Variants in GDPD4 observed in about 807,000 individuals in gnomAD.
GDPD4 encodes glycerophosphodiester phosphodiesterase domain containing 4, also known as glycerophosphodiester phosphodiesterase 6.
A neutral mutation model predicts 67.8 loss-of-function variants in GDPD4; 60 were observed. The ratio of observed to expected loss-of-function variants is 0.88; its 90% confidence interval spans 0.72 to 1.10. The LOEUF (loss-of-function observed/expected upper bound fraction) is 1.10, where lower values mean the gene tolerates loss of function less well. GDPD4 is among the 50% of genes least tolerant of loss of function. The probability of loss-of-function intolerance (pLI) is 0.00; values close to 1 mark genes in which losing one functional copy is unlikely to be tolerated. For synonymous variants in GDPD4, 212 were observed against 210.9 expected (o/e 1.00, Z -0.04); for missense variants, 623 against 613.9 (o/e 1.01, Z -0.16).
intron 1 of GDPD4, among the ~76,000 whole-genome samples, chr11:77,295,093 T>C (rs1293951164): frequency 6.6e-6 from 1 of 150,630 alleles, no homozygotes; most frequent in African/African-American, 2.4e-5. Flanking sequence ...GCCTCTTGAG[T>C]AGCGGGGACT....
intron 10 of GDPD4, among the ~76,000 whole-genome samples, chr11:77,265,819 C>A (rs577508412): frequency 6.6e-6 from 1 of 152,262 alleles, no homozygotes; most frequent in South Asian, 2.1e-4. Flanking sequence ...GGAGCCACTT[C>A]TCTGCCTCCT....
chr11:77,254,921 T>G (rs1240296971), intron 11 of GDPD4, among the ~76,000 whole-genome samples: 1 of 152,188 alleles, frequency 6.6e-6, no homozygotes, highest in African/African-American at 2.4e-5. Flanking sequence ...TTCTTCACTA[T>G]GGAAAAAACT....
chr11:77,288,243 G>A (rs933977386), intron 1 of GDPD4, among the ~76,000 whole-genome samples: 8 of 152,158 alleles, frequency 5.3e-5, no homozygotes, highest in East Asian at 3.9e-4. Context: ...TACTGCCATC[G>A]CTGATACCAC....
intron 16 of GDPD4, among the ~76,000 whole-genome samples, chr11:77,219,863 G>T (rs986326859): frequency 6.6e-6 from 1 of 152,124 alleles, no homozygotes; most frequent in Non-Finnish European, 1.5e-5. Context: ...GCAATGCCTT[G>T]TAAGTTGGAT....
At chr11:77,294,960 C>CTTTTTTTTTTTTTTTTTTTTTTTT (rs144796072) in intron 1 of GDPD4, among the ~76,000 whole-genome samples, 1 of 66,384 alleles carries the variant, frequency 1.5e-5, no homozygotes, top group African/African-American at 6.0e-5. Flanking sequence ...TACAACTTTG[C>CTTTTTTTTTTTTTTTTTTTTTTTT]TTTTTTTTTT....
At chr11:77,286,093 TC>T (rs1234226939) in intron 2 of GDPD4, among the ~76,000 whole-genome samples, 1 of 152,232 alleles carries the variant, frequency 6.6e-6, no homozygotes, top group East Asian at 1.9e-4. Context: ...TAGCTTCTTT[TC>T]CCCTCACTTC....
At chr11:77,284,091 A>C (rs1331653886) in intron 3 of GDPD4, among the ~76,000 whole-genome samples, 1 of 152,142 alleles carries the variant, frequency 6.6e-6, no homozygotes, top group Non-Finnish European at 1.5e-5. Context: ...ATGGGAATCT[A>C]TTCTAGGAAC....
At chr11:77,291,001 C>T (rs1937753549) in intron 1 of GDPD4, among the ~76,000 whole-genome samples, 1 of 152,150 alleles carries the variant, frequency 6.6e-6, no homozygotes, top group Non-Finnish European at 1.5e-5. Flanking sequence ...CCATATGATC[C>T]AGCAATTCCA....
intron 11 of GDPD4, among the ~76,000 whole-genome samples, chr11:77,249,288 G>A (rs968408130): frequency 7.7e-5 from 11 of 143,556 alleles, no homozygotes; most frequent in Admixed American, 4.2e-4. Flanking sequence ...AAAAAAATTA[G>A]CAAGCTACTT....
chr11:77,285,242 C>A, intron 2 of GDPD4, 55 bp from the exon 3 acceptor site: 1 of 885,098 alleles, frequency 1.1e-6, no homozygotes, highest in Non-Finnish European at 1.8e-6. Flanking sequence ...GTTACCTCAG[C>A]AGTTTCTGTA....
chr11:77,278,963 G>T (rs2135882142), intron 4 of GDPD4, among the ~76,000 whole-genome samples: 1 of 152,302 alleles, frequency 6.6e-6, no homozygotes, highest in South Asian at 2.1e-4. Flanking sequence ...GATGAGTAAA[G>T]ATACTGCTGC....
At chr11:77,225,686 G>T (rs540696639) in intron 16 of GDPD4, among the ~76,000 whole-genome samples, 1 of 152,286 alleles carries the variant, frequency 6.6e-6, no homozygotes, top group South Asian at 2.1e-4. Flanking sequence ...CAACAAAATT[G>T]ACTTAAATTG....
chr11:77,252,543 GTTA>G (rs955165878), intron 11 of GDPD4, among the ~76,000 whole-genome samples: 3 of 152,086 alleles, frequency 2.0e-5, no homozygotes, highest in African/African-American at 7.2e-5. Context: ...TTTTACTAGA[GTTA>G]TTATGTTCCT....
chr11:77,245,577 T>G, intron 11 of GDPD4, 75 bp from the exon 12 acceptor site: 9 of 937,884 alleles, frequency 9.6e-6, no homozygotes, highest in Non-Finnish European at 1.3e-5. Flanking sequence ...CATCCAGCTC[T>G]ACCTCAGTTG....
Position 77,233,017 on chromosome 11 carries a change from C to T in GDPD4, c.1389+8G>A, listed in dbSNP as rs1363225236. The T allele has an allele frequency of 6.2e-7, 1 of 1,613,572 alleles. No individual in the cohort carries two copies. Reference sequence around the variant, plus strand: ...AGCCTGGAAGAACAATCTGGACAACCAGCTCACCATGAAGAAGTGAGGGTG... The same window carrying T: ...AGCCTGGAAGAACAATCTGGACAACTAGCTCACCATGAAGAAGTGAGGGTG... On this transcript the variant is annotated splice_region_variant and intron_variant, in intron 14 of 16. Coordinates refer to ENST00000315938, the MANE Select transcript of GDPD4 (RefSeq NM_182833.3).
At chr11:77,277,391 C>CCTTT (rs1959522144) in intron 4 of GDPD4, among the ~76,000 whole-genome samples, 1 of 58,328 alleles carries the variant, frequency 1.7e-5, no homozygotes, top group Non-Finnish European at 3.1e-5. Context: ...GCCATGTTTC[C>CCTTT]TTTTTTTTTT....
intron 16 of GDPD4, among the ~76,000 whole-genome samples, chr11:77,218,889 C>G (rs1958175607): frequency 6.6e-6 from 1 of 151,884 alleles, no homozygotes; most frequent in Admixed American, 6.6e-5. Flanking sequence ...GATTTATAAT[C>G]CTTTGGGTAT....
At chr11:77,226,988 G>T (rs751077846) in intron 16 of GDPD4, among the ~76,000 whole-genome samples, 1 of 152,184 alleles carries the variant, frequency 6.6e-6, no homozygotes, top group Non-Finnish European at 1.5e-5. Context: ...TTGTCCATAA[G>T]AAATTAAATT....
At chr11:77,234,136 A>G (rs887758511) in intron 13 of GDPD4, among the ~76,000 whole-genome samples, 1 of 152,170 alleles carries the variant, frequency 6.6e-6, no homozygotes, top group African/African-American at 2.4e-5. Context: ...TCTGTCATAT[A>G]CGAGCTTAGT....
Sources: allele counts gnomAD v4.1 joint callset (sites outside exome capture counted in the v4.1 genomes callset), GRCh38; gene constraint gnomAD v4.1.1; transcripts MANE v1.5; gene names NCBI Gene and HGNC (gene_info 2026-07-23, HGNC 2026-07-21).